The following GABRB1 variants were observed in gnomAD, a reference collection of about 807,000 sequenced individuals.
GABRB1 encodes gamma-aminobutyric acid receptor subunit beta-1.
GABRB1 carries 17 observed loss-of-function variants against 51.6 expected under a neutral mutation model. The ratio of observed to expected loss-of-function variants is 0.33; its 90% confidence interval spans 0.23 to 0.49. The LOEUF is 0.49. GABRB1 is among the 20% of genes least tolerant of loss of function. The probability of loss-of-function intolerance (pLI) is 0.99; values close to 1 mark genes in which losing one functional copy is unlikely to be tolerated. For missense variants in GABRB1, 410 were observed against 600.6 expected (o/e 0.68, Z 3.32); for synonymous variants, 247 against 218.9 (o/e 1.13, Z -1.14).
chr4:47,154,773 C>T lies in GABRB1; in HGVS notation c.241-6476C>T, dbSNP rs540467564. 3.3e-5 allele frequency among the ~76,000 whole-genome samples: 5 copies of T among 152,170 alleles called. No individual in the cohort carries two copies. In the South Asian group the frequency reaches 1.0e-3, roughly 32 times the overall value. ...ACTAGAAACAGAAGTAGACAGTCTT[C>T]GTGAACCTGTTCATTCACTCTCTAA... On this transcript the variant is annotated intron_variant, in intron 3 of 8. Transcript: ENST00000295454.
At chr4:47,140,305 T>C (rs901916232) in intron 3 of GABRB1, among the ~76,000 whole-genome samples, 5 of 151,986 alleles carry the variant, frequency 3.3e-5, no homozygotes, top group African/African-American at 4.8e-5. Flanking sequence ...TAAGGAAATA[T>C]AACAGAGAAA....
At chr4:47,136,222 C>T (rs1716642274) in intron 3 of GABRB1, among the ~76,000 whole-genome samples, 1 of 152,126 alleles carries the variant, frequency 6.6e-6, no homozygotes, top group Admixed American at 6.5e-5. Flanking sequence ...GAACTCCTGG[C>T]TTCAAGTGAT....
intron 4 of GABRB1, among the ~76,000 whole-genome samples, chr4:47,187,322 G>A (rs895486059): frequency 6.6e-6 from 1 of 151,716 alleles, no homozygotes; most frequent in African/African-American, 2.4e-5. Context: ...CATACCTTAG[G>A]GATGATTACA....
chr4:47,207,397 G>A (rs1720179199), intron 4 of GABRB1, among the ~76,000 whole-genome samples: 1 of 151,902 alleles, frequency 6.6e-6, no homozygotes, highest in Admixed American at 6.6e-5. Context: ...GTTTACTTTT[G>A]TCATAATGTT....
At chr4:47,126,665 A>G (rs1375257945) in intron 3 of GABRB1, among the ~76,000 whole-genome samples, 1 of 150,162 alleles carries the variant, frequency 6.7e-6, no homozygotes, top group Non-Finnish European at 1.5e-5. Flanking sequence ...ATATAAGAGA[A>G]TGATGAGAGA....
chr4:47,134,609 C>G (rs1716560919), intron 3 of GABRB1, among the ~76,000 whole-genome samples: 1 of 152,066 alleles, frequency 6.6e-6, no homozygotes, highest in Non-Finnish European at 1.5e-5. Context: ...AAACTTGAAA[C>G]TGTTACCAAT....
chr4:46,994,470 G>T (rs572574497), intron 1 of GABRB1: 4 of 149,946 alleles, frequency 2.7e-5, no homozygotes, highest in African/African-American at 1.0e-4. Context: ...AAATGTGTGT[G>T]TGTGTGTGTG....
chr4:47,197,019 CTTGTG>C (rs1209990626), intron 4 of GABRB1, among the ~76,000 whole-genome samples: 2 of 152,186 alleles, frequency 1.3e-5, no homozygotes, highest in Non-Finnish European at 2.9e-5. Context: ...GAGTAAGTAA[CTTGTG>C]TTGGGTAGTA....
intron 8 of GABRB1, among the ~76,000 whole-genome samples, chr4:47,420,241 G>T (rs1486537146): frequency 6.6e-6 from 1 of 152,162 alleles, no homozygotes. Context: ...ACGGAGCCTA[G>T]AATGCCTGCT....
chr4:47,008,408 C>T (rs1225326189), intron 1 of GABRB1, among the ~76,000 whole-genome samples: 1 of 151,434 alleles, frequency 6.6e-6, no homozygotes, highest in East Asian at 1.9e-4. Context: ...ATAAGGAATG[C>T]CAACTGTAAA....
At chr4:47,166,094 T>C (rs571576930) in intron 4 of GABRB1, among the ~76,000 whole-genome samples, 3 of 152,144 alleles carry the variant, frequency 2.0e-5, no homozygotes, top group Non-Finnish European at 2.9e-5. Flanking sequence ...GAAAAAAAAA[T>C]GGTTCCTCTT....
intron 5 of GABRB1, among the ~76,000 whole-genome samples, chr4:47,377,981 C>G (rs1727449080): frequency 2.0e-5 from 3 of 152,254 alleles, no homozygotes; most frequent in Admixed American, 2.0e-4. Context: ...CTGGCTTCAT[C>G]CAGTGGATCT....
chr4:47,287,133 AAG>A (rs74871816), intron 4 of GABRB1, among the ~76,000 whole-genome samples: 10,560 of 150,988 alleles, frequency 0.07, 405 homozygotes, highest in East Asian at 0.11. Flanking sequence ...AGGTGAGAGA[AAG>A]AGAGAGAGAG....
At chr4:47,298,724 A>G (rs1398669839) in intron 4 of GABRB1, among the ~76,000 whole-genome samples, 1 of 152,244 alleles carries the variant, frequency 6.6e-6, no homozygotes, top group African/African-American at 2.4e-5. Context: ...TCTTCACAGA[A>G]TTGGAAAAAA....
At chr4:47,114,219 A>T (rs1715367220) in intron 3 of GABRB1, among the ~76,000 whole-genome samples, 1 of 151,710 alleles carries the variant, frequency 6.6e-6, no homozygotes, top group African/African-American at 2.4e-5. Flanking sequence ...AACTGTCTAA[A>T]CCTCTCTTGC....
intron 4 of GABRB1, among the ~76,000 whole-genome samples, chr4:47,254,046 G>A (rs3098799): frequency 0.66 from 100,689 of 152,010 alleles, 33,664 homozygotes; most frequent in South Asian, 0.82. Context: ...ACTGACAATA[G>A]GGGCATCTTA....
In GABRB1 at chr4:47,403,679, A is replaced by G. The variant is rs1212903659; in HGVS notation, c.803A>G (p.Asn268Ser). Reference protein sequence around the residue: ...TILSWVSFWINYDASAARVAL... With the variant: ...TILSWVSFWISYDASAARVAL... ...CTGTCCTGGGTGTCTTTTTGGATCA[A>G]CTATGATGCATCTGCAGCCAGAGTC... Residue 268 changes from asparagine (N) to serine (S), a missense_variant, in exon 7 of 9, where the codon AAC becomes AGC. Physicochemically the swap from Asn to Ser is conservative, Grantham distance 46. Coordinates refer to ENST00000295454, the MANE Select transcript of GABRB1 (RefSeq NM_000812.4). 2 of 1,613,536 alleles carry G rather than the reference A, an allele frequency of 1.2e-6. No homozygotes were observed. Among genetic ancestry groups the G allele is most frequent in the South Asian group, 1.1e-5 (1 of 91,084 alleles).
intron 3 of GABRB1, among the ~76,000 whole-genome samples, chr4:47,060,930 A>G (rs1726822512): frequency 1.3e-5 from 2 of 152,194 alleles, no homozygotes; most frequent in Non-Finnish European, 2.9e-5. Flanking sequence ...TTAAGTGTCC[A>G]ATTCCAGGAT....
At chr4:47,406,632 G>T in intron 7 of GABRB1, 50 bp from the exon 8 acceptor site, 1 of 1,608,102 alleles carries the variant, frequency 6.2e-7, no homozygotes. Context: ...TCTTGAAAAA[G>T]GAACTTAATA....
Sources: allele counts gnomAD v4.1 joint callset (sites outside exome capture counted in the v4.1 genomes callset), GRCh38; gene constraint gnomAD v4.1.1; transcripts MANE v1.5; gene names NCBI Gene and HGNC (gene_info 2026-07-23, HGNC 2026-07-21).